Variants in MAPK14 observed in about 807,000 individuals in gnomAD.
The protein encoded by MAPK14 is CSAID-binding protein.
A neutral mutation model predicts 49.6 loss-of-function variants in MAPK14; 16 were observed. That is an observed-to-expected ratio of 0.32 (90% confidence interval 0.22 to 0.49). The LOEUF is 0.49. Ranked by LOEUF, MAPK14 falls within the 20% of genes least tolerant of loss-of-function variation. The pLI is 0.99. For synonymous variants in MAPK14, 142 were observed against 158.0 expected (o/e 0.90, Z 0.76); for missense variants, 200 against 441.2 (o/e 0.45, Z 4.90).
chr6:36,091,392 G>A (rs778127786), intron 8 of MAPK14, among the ~76,000 whole-genome samples: 10 of 152,026 alleles, frequency 6.6e-5, no homozygotes, highest in South Asian at 2.1e-4. Context: ...AAATTTTGAC[G>A]TTGTGATCAT....
rs200081934 is a variant in MAPK14, at chr6:36,096,019, G to C, written c.715G>C (p.Val239Leu). 6 of 1,613,122 alleles carry C rather than the reference G, an allele frequency of 3.7e-6. No homozygotes were observed. Among genetic ancestry groups the C allele is most frequent in the African/African-American group, 1.3e-5 (1 of 74,852 alleles). Residue 239 changes from valine to leucine, a missense_variant, in exon 9 of 12, where the codon GTT (valine) becomes CTT (leucine). Transcript: ENST00000229794. ...TCAGTTGAAGCTCATTTTAAGACTC[G>C]TTGGAACCCCAGGGGCTGAGCTTTT... is the stretch of plus-strand genomic sequence containing the variant. ...IDQLKLILRL[V>L]GTPGAELLKK...
intron 11 of MAPK14, among the ~76,000 whole-genome samples, chr6:36,108,176 A>G (rs556049146): frequency 6.6e-6 from 1 of 152,304 alleles, no homozygotes; most frequent in South Asian, 2.1e-4. Flanking sequence ...GAAAAACATG[A>G]GAAAAAAAAT....
the MAPK14 span, among the ~76,000 whole-genome samples, chr6:36,123,976 C>T: frequency 3.3e-5 from 5 of 151,694 alleles, no homozygotes; most frequent in East Asian, 1.9e-4. Context: ...GAGAGGTGCC[C>T]GACTCACAGA....
intron 1 of MAPK14, among the ~76,000 whole-genome samples, chr6:36,029,636 A>G (rs1346094726): frequency 2.6e-5 from 4 of 152,314 alleles, no homozygotes; most frequent in African/African-American, 9.6e-5. Context: ...GTGTTTCCCA[A>G]AGTCACATCA....
intron 1 of MAPK14, among the ~76,000 whole-genome samples, chr6:36,052,006 A>G (rs1256717241): frequency 2.0e-5 from 3 of 152,118 alleles, no homozygotes; most frequent in African/African-American, 4.8e-5. Context: ...CTAAAGTGGT[A>G]TAACTCCACT....
chr6:36,083,735 G>A (rs1375489506), intron 8 of MAPK14, among the ~76,000 whole-genome samples: 1 of 152,182 alleles, frequency 6.6e-6, no homozygotes, highest in Non-Finnish European at 1.5e-5. Flanking sequence ...GGGAGGGGTG[G>A]CCACAGTCTC....
chr6:36,121,089 G>C, the MAPK14 span, among the ~76,000 whole-genome samples: 1 of 152,060 alleles, frequency 6.6e-6, no homozygotes, highest in African/African-American at 2.4e-5. Flanking sequence ...AGCAGAGGAT[G>C]GTATTCCAGA....
intron 8 of MAPK14, chr6:36,092,288 C>G (rs749910710): frequency 2.0e-5 from 12 of 589,446 alleles, no homozygotes; most frequent in Non-Finnish European, 3.6e-5. Flanking sequence ...GCAGCGTCCC[C>G]TTTGTAGCCA....
Position 36,028,397 on chromosome 6 carries a change from T to A in MAPK14, c.116+124T>A. 1 of 676,718 alleles carries A rather than the reference T, an allele frequency of 1.5e-6. No individual in the cohort carries two copies. Among genetic ancestry groups the A allele is most frequent in the Non-Finnish European group, 2.6e-6 (1 of 384,886 alleles). The allele number at this position is 676,718 out of a possible 1,614,324, so 41.9% of individuals were successfully genotyped here. On this transcript the variant is annotated intron_variant, in intron 1 of 11. Coordinates refer to ENST00000229794, the MANE Select transcript of MAPK14 (RefSeq NM_139012.3). The surrounding 1 kb of genome is among the most constrained non-coding windows in gnomAD (Gnocchi z 5.1). ...AATTTTCCTCGGGGGAGGGCATTGCTGCCCCTTCGAGCTCTGCCCGTTCTG... is the reference window on the plus strand; with the variant it reads ...AATTTTCCTCGGGGGAGGGCATTGCAGCCCCTTCGAGCTCTGCCCGTTCTG...
chr6:36,088,435 G>A (rs1356846937), intron 8 of MAPK14, among the ~76,000 whole-genome samples: 3 of 152,050 alleles, frequency 2.0e-5, no homozygotes, highest in South Asian at 2.1e-4. Flanking sequence ...TAAAAAGTTG[G>A]CAAAGGGCCA....
intron 1 of MAPK14, chr6:36,029,217 T>A (rs1381327383): frequency 6.6e-6 from 1 of 152,154 alleles, no homozygotes; most frequent in Non-Finnish European, 1.5e-5. Flanking sequence ...AAAAGTCCCT[T>A]AGAGAGCTTG....
In MAPK14 at chr6:36,096,075, A is replaced by C; in HGVS notation, c.762+9A>C. 1 of 1,600,132 alleles carries C rather than the reference A, an allele frequency of 6.2e-7. No individual in the cohort carries two copies. The highest frequency in any genetic ancestry group is 8.6e-7 in the Non-Finnish European group (1 of 1,167,824). ...AAATCTCCTCAGAGTCTGTGAGTTGATGCTTTGTAATTATCTGCCCTGTTG... is the reference window on the plus strand; with the variant it reads ...AAATCTCCTCAGAGTCTGTGAGTTGCTGCTTTGTAATTATCTGCCCTGTTG... On this transcript the variant is annotated intron_variant, in intron 9 of 11. Transcript: ENST00000229794.
chr6:36,061,989 T>A (rs1270173332), intron 3 of MAPK14, among the ~76,000 whole-genome samples: 1 of 152,224 alleles, frequency 6.6e-6, no homozygotes, highest in East Asian at 1.9e-4. Context: ...TTTTCTTTTT[T>A]TTTGAGACAG....
intron 3 of MAPK14, 91 bp from the exon 4 acceptor site, chr6:36,072,782 C>A (rs1199324113): frequency 8.2e-6 from 6 of 728,468 alleles, no homozygotes; most frequent in African/African-American, 5.4e-5. Context: ...AAACAAAAAC[C>A]AAAAAAACCA....
intron 8 of MAPK14, among the ~76,000 whole-genome samples, chr6:36,084,932 G>A (rs1307367105): frequency 6.8e-6 from 1 of 147,134 alleles, no homozygotes; most frequent in Admixed American, 6.7e-5. Context: ...AGAGAGAAAG[G>A]CTAGGTCACC....
chr6:36,064,891 G>A (rs56133220), intron 3 of MAPK14, among the ~76,000 whole-genome samples: 24,233 of 152,102 alleles, frequency 0.16, 2,623 homozygotes, highest in African/African-American at 0.31. Context: ...GTTGGTCTCC[G>A]GTGTACTCTC....
chr6:36,117,074 T>A, the MAPK14 span, among the ~76,000 whole-genome samples: 1 of 152,212 alleles, frequency 6.6e-6, no homozygotes, highest in Non-Finnish European at 1.5e-5. Flanking sequence ...GCTGGCCAAA[T>A]TGGGGAGGAG....
intron 8 of MAPK14, among the ~76,000 whole-genome samples, chr6:36,086,116 A>G (rs933475050): frequency 1.3e-5 from 2 of 152,138 alleles, no homozygotes; most frequent in Non-Finnish European, 2.9e-5. Flanking sequence ...AATGAGAACA[A>G]AGAGAACATA....
Position 36,063,354 on chromosome 6 carries a change from G to A in MAPK14, c.305+4007G>A, listed in dbSNP as rs555157782. ...TATAATCCCAGCACTTTGGGAGGCC[G>A]AGGTGGGCAGATCACTTGAGCCCAA... On this transcript the variant is annotated intron_variant, in intron 3 of 11. Transcript: ENST00000229794. Among the ~76,000 whole-genome samples, 4 of 152,244 alleles carry A rather than the reference G, an allele frequency of 2.6e-5. No homozygotes were observed. In the East Asian group the frequency reaches 7.7e-4, roughly 29 times the overall value.
Sources: gnomAD v4.1 joint callset for allele counts (sites outside exome capture counted in the v4.1 genomes callset) on GRCh38, gnomAD v4.1.1 for gene constraint, Gnocchi (gnomAD v3.1) non-coding constraint, MANE v1.5 for transcripts, NCBI Gene and HGNC (gene_info 2026-07-23, HGNC 2026-07-21) for gene names.